Variants in NUB1 observed in about 807,000 individuals in gnomAD.
NUB1 encodes negative regulator of ubiquitin like proteins 1.
A neutral mutation model predicts 77.1 loss-of-function variants in NUB1; 41 were observed. The observed-to-expected ratio is 0.53, with a 90% CI of 0.41 to 0.69. The LOEUF (loss-of-function observed/expected upper bound fraction) is 0.69. Among genes scored for constraint, NUB1 ranks in the 30% least tolerant of loss-of-function variants. The pLI is 0.00. For missense variants in NUB1, 643 were observed against 743.8 expected (o/e 0.86, Z 1.58); for synonymous variants, 257 against 281.0 (o/e 0.91, Z 0.85).
intron 3 of NUB1, among the ~76,000 whole-genome samples, chr7:151,349,716 A>C (rs1796694630): frequency 6.6e-6 from 1 of 152,218 alleles, no homozygotes; most frequent in African/African-American, 2.4e-5. Flanking sequence ...TCACTGTGGC[A>C]AGGCACCCAG....
chr7:151,354,985 C>G (rs1469015301), intron 5 of NUB1, among the ~76,000 whole-genome samples: 3 of 152,204 alleles, frequency 2.0e-5, no homozygotes, highest in Non-Finnish European at 4.4e-5. Flanking sequence ...CTCAAGTGAT[C>G]CACCTGCCTC....
chr7:151,341,948 A>G, intron 1 of NUB1, 102 bp downstream of exon 1: 1 of 1,346,004 alleles, frequency 7.4e-7, no homozygotes, highest in Non-Finnish European at 9.5e-7. Context: ...CCAGGGGTGG[A>G]GCGGCCGCGG....
intron 5 of NUB1, among the ~76,000 whole-genome samples, chr7:151,353,526 T>C (rs1331544443): frequency 2.0e-5 from 3 of 152,180 alleles, no homozygotes; most frequent in Non-Finnish European, 4.4e-5. Flanking sequence ...CAAAGACTTG[T>C]CCAGTCCCAG....
chr7:151,342,261 A>G (rs1330445579), intron 1 of NUB1, among the ~76,000 whole-genome samples: 1 of 152,108 alleles, frequency 6.6e-6, no homozygotes, highest in Non-Finnish European at 1.5e-5. Flanking sequence ...AAGACACTTG[A>G]TTTTCTCGAA....
chr7:151,372,787 C>T (rs182226211), intron 11 of NUB1, among the ~76,000 whole-genome samples: 19 of 152,100 alleles, frequency 1.2e-4, no homozygotes, highest in African/African-American at 4.6e-4. Context: ...CCCTGTGCAG[C>T]GGGGCTGGAG....
In NUB1 at chr7:151,375,845, T is replaced by C; in HGVS notation, c.1396-3T>C. ...GGGTAAAGGGTGTTCCTGTGTGTTT[T>C]AGATTCTGCTCAGCAATCCTCAGAT... On this transcript the variant is annotated splice_polypyrimidine_tract_variant and splice_region_variant and intron_variant, in intron 12 of 14. Coordinates refer to ENST00000568733, the MANE Select transcript of NUB1 (RefSeq NM_001243351.2). 6.2e-7 allele frequency: 1 copy of C among 1,601,152 alleles called. No homozygotes were observed. Among genetic ancestry groups the C allele is most frequent in the Non-Finnish European group, 8.6e-7 (1 of 1,168,194 alleles).
chr7:151,344,955 G>C (rs963790674), intron 1 of NUB1, among the ~76,000 whole-genome samples: 131 of 152,158 alleles, frequency 8.6e-4, no homozygotes, highest in Non-Finnish European at 2.2e-4. Context: ...AGCCGAGATC[G>C]CACCACTGCA....
rs1430344994 is a variant in NUB1, at chr7:151,377,212, CAAAG to C, written c.1839_1842del (p.Lys614ThrfsTer3). On this transcript the variant is annotated frameshift_variant, in exon 15 of 15. Transcript: ENST00000568733. LOFTEE classifies it high-confidence loss of function. ...TATGTAGAAAATAGGAAGTCAGCAA[CAAAG>C]AAAAACTAAATAATGAACAGAAATA... is the stretch of plus-strand genomic sequence containing the variant. The C allele has an allele frequency of 2.0e-6, 3 of 1,533,432 alleles. No individual in the cohort carries two copies. Among genetic ancestry groups the C allele is most frequent in the Non-Finnish European group, 2.6e-6 (3 of 1,138,934 alleles). The allele number at this position is 1,533,432 out of a possible 1,614,324, so 95.0% of individuals were successfully genotyped here.
chr7:151,361,744 A>G (rs1174130157), intron 8 of NUB1, among the ~76,000 whole-genome samples: 1 of 152,120 alleles, frequency 6.6e-6, no homozygotes, highest in Admixed American at 6.6e-5. Flanking sequence ...TAACGTACAC[A>G]AAAAAGGAAT....
intron 1 of NUB1, among the ~76,000 whole-genome samples, chr7:151,344,411 A>G (rs1030012155): frequency 3.3e-5 from 5 of 150,768 alleles, no homozygotes; most frequent in Non-Finnish European, 5.9e-5. Context: ...CCTGGATTCA[A>G]GCGATTCTCC....
At chr7:151,350,515 G>C (rs1039910503) in intron 3 of NUB1, among the ~76,000 whole-genome samples, 1 of 152,228 alleles carries the variant, frequency 6.6e-6, no homozygotes, top group African/African-American at 2.4e-5. Context: ...CTTGTCTTCT[G>C]GTCACTTCTC....
chr7:151,347,251 G>C (rs1037344571), intron 2 of NUB1, among the ~76,000 whole-genome samples: 1 of 151,974 alleles, frequency 6.6e-6, no homozygotes, highest in South Asian at 2.1e-4. Context: ...TTAAAAAAAT[G>C]TATTGCTGGA....
At chr7:151,367,199 T>C (rs1317663263) in intron 9 of NUB1, 74 bp downstream of exon 9, 1 of 1,209,984 alleles carries the variant, frequency 8.3e-7, no homozygotes, top group Non-Finnish European at 1.2e-6. Flanking sequence ...GTTAAAGTAT[T>C]TGAACTACTG....
chr7:151,344,871 ATG>A (rs1212052472), intron 1 of NUB1, among the ~76,000 whole-genome samples: 4 of 151,932 alleles, frequency 2.6e-5, no homozygotes, highest in Admixed American at 6.6e-5. Context: ...GTGGTGGCGC[ATG>A]CCTGTAATCC....
chr7:151,349,241 G>A lies in NUB1; in HGVS notation c.285+1G>A. The A allele has an allele frequency of 6.2e-7, 1 of 1,604,228 alleles. No homozygotes were observed. The highest frequency in any genetic ancestry group is 8.5e-7 in the Non-Finnish European group (1 of 1,176,158). ...GTTTTTACCACCAAGACTAAAAAAA[G>A]TGAGTAATTTCCCTAAATTTGAGTA... On this transcript the variant is annotated splice_donor_variant, in intron 3 of 14. Coordinates refer to ENST00000568733, the MANE Select transcript of NUB1 (RefSeq NM_001243351.2). LOFTEE classifies it high-confidence loss of function.
intron 1 of NUB1, among the ~76,000 whole-genome samples, chr7:151,343,254 A>G (rs1194637568): frequency 2.6e-5 from 4 of 152,248 alleles, no homozygotes; most frequent in Non-Finnish European, 5.9e-5. Flanking sequence ...TGCACACAGC[A>G]GCCTCATTGG....
At position 151,352,827 on chromosome 7, in the gene NUB1, T is replaced by A. The variant is rs777292983; in HGVS notation, c.360T>A (p.Phe120Leu). 1 of 1,559,026 alleles carries A rather than the reference T, an allele frequency of 6.4e-7. No homozygotes were observed. Among genetic ancestry groups the A allele is most frequent in the Non-Finnish European group, 8.8e-7 (1 of 1,133,682 alleles). ...TATTTTACAGAATAGCTGAAACCTT[T>A]GGACTTCAAGAAAATTATATCAAAA... ...RELRSKIAET[F>L]GLQENYIKIV... is the part of the protein sequence containing the mutation. The change falls in exon 5 of 15, where the codon TTT becomes TTA. Residue 120 changes from phenylalanine to leucine, a missense_variant. Coordinates refer to ENST00000568733, the MANE Select transcript of NUB1 (RefSeq NM_001243351.2).
At chr7:151,344,488 A>AT (rs991410413) in intron 1 of NUB1, among the ~76,000 whole-genome samples, 293 of 138,118 alleles carry the variant, frequency 2.1e-3, no homozygotes, top group Middle Eastern at 3.6e-3. Flanking sequence ...TTGTTCATAT[A>AT]TTTTTTTTTT....
At chr7:151,353,793 G>A (rs1796935271) in intron 5 of NUB1, among the ~76,000 whole-genome samples, 1 of 152,208 alleles carries the variant, frequency 6.6e-6, no homozygotes, top group Non-Finnish European at 1.5e-5. Flanking sequence ...GTGGCCTCGA[G>A]AATGAAGTCC....
Sources: gnomAD v4.1 joint callset for allele counts (sites outside exome capture counted in the v4.1 genomes callset) on GRCh38, gnomAD v4.1.1 for gene constraint, MANE v1.5 for transcripts, NCBI Gene and HGNC (gene_info 2026-07-23, HGNC 2026-07-21) for gene names.